The following STK32B variants were observed in gnomAD, a reference collection of about 807,000 sequenced individuals.
STK32B encodes serine/threonine kinase 32B.
A neutral mutation model predicts 52.6 loss-of-function variants in STK32B; 43 were observed. That is an observed-to-expected ratio of 0.82 (90% CI 0.64 to 1.05). The LOEUF (loss-of-function observed/expected upper bound fraction) is 1.05. Ranked by LOEUF, STK32B falls within the 50% of genes least tolerant of loss-of-function variation. The probability of loss-of-function intolerance (pLI) is 0.00; values close to 1 mark genes in which losing one functional copy is unlikely to be tolerated. For missense variants in STK32B, 621 were observed against 534.6 expected (o/e 1.16, Z -1.59); for synonymous variants, 238 against 204.3 (o/e 1.17, Z -1.41).
At position 5,453,224 on chromosome 4, in the gene STK32B, G is replaced by GGAGA. The variant is rs34791116; in HGVS notation, c.667-3565_667-3562dup. On this transcript the variant is annotated intron_variant, in intron 7 of 11. Transcript: ENST00000282908. This position sits in a 1 kb window ranked among gnomAD's most constrained non-coding sequence, Gnocchi z 4.0. Reference sequence around the variant, plus strand: ...AAGGAGAGAGAATTACAGAGATTAGGGAGAGAGAGAGAGAGAGAGAGTAGC... The same window carrying GGAGA: ...AAGGAGAGAGAATTACAGAGATTAGGGAGAGAGAGAGAGAGAGAGAGAGAGTAGC... 0.056 allele frequency among the ~76,000 whole-genome samples: 8,412 copies of GGAGA among 150,584 alleles called. 431 individuals carry two copies. The highest frequency in any genetic ancestry group is 0.14 in the African/African-American group (5,542 of 40,978).
intron 7 of STK32B, among the ~76,000 whole-genome samples, chr4:5,454,140 G>A (rs945289843): frequency 7.2e-5 from 11 of 152,076 alleles, no homozygotes; most frequent in African/African-American, 2.7e-4. Context: ...TGTCTGTCCC[G>A]CTCATGCCGG....
chr4:5,444,885 C>T (rs1183769735), intron 6 of STK32B, among the ~76,000 whole-genome samples: 1 of 152,204 alleles, frequency 6.6e-6, no homozygotes, highest in Non-Finnish European at 1.5e-5. Context: ...TTTCCCAGGG[C>T]ACAATGTCAG....
At chr4:5,404,342 T>A (rs981038894) in intron 5 of STK32B, among the ~76,000 whole-genome samples, 1 of 152,096 alleles carries the variant, frequency 6.6e-6, no homozygotes, top group Non-Finnish European at 1.5e-5. Flanking sequence ...CACATGGCAT[T>A]TTCCCTGTGT....
In STK32B at chr4:5,433,650, CAAG is replaced by C. The variant is rs544531011; in HGVS notation, c.563-13018_563-13016del. ...AATTTAGTAATTCTGTGTTCCCAGT[CAAG>C]AAGAGAGCAAACACCTGTGGAAACA... On this transcript the variant is annotated intron_variant, in intron 6 of 11. Transcript: ENST00000282908. Among the ~76,000 whole-genome samples the C allele has an allele frequency of 7.2e-5, 11 of 152,272 alleles. No individual in the cohort carries two copies. In the South Asian group the frequency reaches 2.1e-3, roughly 29 times the overall value.
the STK32B span, among the ~76,000 whole-genome samples, chr4:5,021,408 T>G: frequency 6.6e-6 from 1 of 152,180 alleles, no homozygotes; most frequent in Admixed American, 6.5e-5. Context: ...GGCACAGATG[T>G]GTTTTCTTCT....
rs548048060 is a variant in STK32B, at chr4:5,481,982, C to T, written c.1106+13912C>T. On this transcript the variant is annotated intron_variant, in intron 11 of 11. Transcript: ENST00000282908. Reference sequence around the variant, plus strand: ...TACCAGTACCATGCTGTTTTGGTTACTGTAGTCTTGTAGTACAGTTTGAAG... The same window carrying T: ...TACCAGTACCATGCTGTTTTGGTTATTGTAGTCTTGTAGTACAGTTTGAAG... Among the ~76,000 whole-genome samples, 7 of 152,302 alleles carry T rather than the reference C, an allele frequency of 4.6e-5. No homozygotes were observed. The East Asian group carries it at 1.4e-3, about 29-fold the overall frequency.
chr4:5,101,278 G>A (rs557345273), intron 1 of STK32B, among the ~76,000 whole-genome samples: 14 of 152,272 alleles, frequency 9.2e-5, no homozygotes, highest in African/African-American at 2.9e-4. Flanking sequence ...GTGGCTTCCC[G>A]GGAGGGTCTG....
intron 3 of STK32B, among the ~76,000 whole-genome samples, chr4:5,192,112 T>C (rs10005009): frequency 0.013 from 1,930 of 152,314 alleles, 36 homozygotes; most frequent in African/African-American, 0.043. Context: ...TGGGCTTCTA[T>C]TGTGGAGAAC....
intron 4 of STK32B, among the ~76,000 whole-genome samples, chr4:5,351,555 TAGAAAA>T (rs1351851814): frequency 1.3e-5 from 2 of 151,882 alleles, no homozygotes; most frequent in East Asian, 3.9e-4. Context: ...CTCAAGGAAT[TAGAAAA>T]AGAAGAACAA....
intron 1 of STK32B, among the ~76,000 whole-genome samples, chr4:5,069,327 A>C (rs1431123086): frequency 2.6e-5 from 4 of 151,440 alleles, no homozygotes; most frequent in Non-Finnish European, 4.4e-5. Context: ...TGAGCCCCAC[A>C]CTTTCTTTTT....
At chr4:5,483,390 G>A (rs1294460374) in intron 11 of STK32B, among the ~76,000 whole-genome samples, 1 of 151,976 alleles carries the variant, frequency 6.6e-6, no homozygotes, top group African/African-American at 2.4e-5. Context: ...TGTTTATAGT[G>A]TTCTCTGATG....
chr4:5,121,418 A>G (rs1217380035), intron 1 of STK32B, among the ~76,000 whole-genome samples: 3 of 152,232 alleles, frequency 2.0e-5, no homozygotes. Context: ...CCTGTTATAT[A>G]GCTGTTGTTA....
intron 3 of STK32B, among the ~76,000 whole-genome samples, chr4:5,236,372 A>G (rs1257920828): frequency 1.3e-5 from 2 of 152,124 alleles, no homozygotes; most frequent in Non-Finnish European, 2.9e-5. Flanking sequence ...TTAAATACAT[A>G]CAGAAAAGTG....
At chr4:5,474,310 G>T (rs1718066262) in intron 11 of STK32B, among the ~76,000 whole-genome samples, 1 of 152,152 alleles carries the variant, frequency 6.6e-6, no homozygotes. Flanking sequence ...CCTGGGTCAA[G>T]TCTTGGTCTT....
chr4:5,402,544 C>T (rs750135764), intron 5 of STK32B, among the ~76,000 whole-genome samples: 1 of 152,216 alleles, frequency 6.6e-6, no homozygotes, highest in Non-Finnish European at 1.5e-5. Flanking sequence ...GGCATTGTGT[C>T]CAGTGACCAC....
intron 1 of STK32B, among the ~76,000 whole-genome samples, chr4:5,063,071 C>G (rs1182814704): frequency 1.3e-5 from 2 of 152,122 alleles, no homozygotes; most frequent in Non-Finnish European, 2.9e-5. Flanking sequence ...GTGTATGTCT[C>G]CTGTTGCATA....
At chr4:5,423,694 G>A (rs763825484) in intron 6 of STK32B, among the ~76,000 whole-genome samples, 1 of 152,192 alleles carries the variant, frequency 6.6e-6, no homozygotes, top group Non-Finnish European at 1.5e-5. Context: ...GCCAGGGGAT[G>A]GTGGGTGCAC....
chr4:5,283,874 C>A (rs1324813558), intron 3 of STK32B, among the ~76,000 whole-genome samples: 2 of 151,712 alleles, frequency 1.3e-5, no homozygotes, highest in Non-Finnish European at 2.9e-5. Context: ...AACAAAAGGC[C>A]ACTAACTAAA....
At chr4:5,197,998 A>AT (rs929197307) in intron 3 of STK32B, among the ~76,000 whole-genome samples, 30 of 150,852 alleles carry the variant, frequency 2.0e-4, no homozygotes, top group Middle Eastern at 3.4e-3. Context: ...AATTCACTGC[A>AT]TTTTTTTTTC....
Sources: allele counts gnomAD v4.1 joint callset (sites outside exome capture counted in the v4.1 genomes callset), GRCh38; gene constraint gnomAD v4.1.1; non-coding constraint Gnocchi (gnomAD v3.1); transcripts MANE v1.5; gene names NCBI Gene and HGNC (gene_info 2026-07-23, HGNC 2026-07-21).